The following GALNT13 variants were observed in gnomAD, a reference collection of about 807,000 sequenced individuals.
GALNT13 encodes the protein UDP-GalNAc:polypeptide N-acetylgalactosaminyltransferase 13.
In GALNT13, 28 loss-of-function variants were observed where a neutral mutation model predicts 64.2. The ratio of observed to expected loss-of-function variants is 0.44; its 90% CI spans 0.32 to 0.60. GALNT13 has a LOEUF of 0.60. Among genes scored for constraint, GALNT13 ranks in the 20% least tolerant of loss-of-function variants. The pLI, the probability that GALNT13 is intolerant of heterozygous loss-of-function variation, is 0.05. For missense variants in GALNT13, 577 were observed against 669.8 expected, an observed-to-expected ratio of 0.86 and a Z score of 1.53; for synonymous variants, 214 against 224.6, an observed-to-expected ratio of 0.95 and a Z score of 0.42.
Position 153,971,583 on chromosome 2 carries a change from A to T in GALNT13, c.142+26944A>T, listed in dbSNP as rs188863903. Reference sequence around the variant, plus strand: ...TAGAGAGACTTATTTCAAGAATTTAACTAGAAATCTATATACAACATAAAC... The same window carrying T: ...TAGAGAGACTTATTTCAAGAATTTATCTAGAAATCTATATACAACATAAAC... On this transcript the variant is annotated intron_variant, in intron 3 of 12. Transcript: ENST00000392825. 2.7e-3 allele frequency among the ~76,000 whole-genome samples: 413 copies of T among 152,268 alleles called. 1 individual carries two copies. Among genetic ancestry groups the T allele is most frequent in the Admixed American group, 6.4e-3 (98 of 15,284 alleles).
chr2:153,143,623 C>T, the GALNT13 span, among the ~76,000 whole-genome samples: 3 of 151,960 alleles, frequency 2.0e-5, no homozygotes, highest in Admixed American at 6.6e-5. Flanking sequence ...CAAAGTCTGC[C>T]AGATGGAAAT....
intron 4 of GALNT13, among the ~76,000 whole-genome samples, chr2:154,176,435 G>A (rs927348779): frequency 1.3e-5 from 2 of 151,628 alleles, no homozygotes; most frequent in Non-Finnish European, 2.9e-5. Flanking sequence ...TGTATTTTTA[G>A]TAGAGACGGG....
chr2:153,501,647 C>A, the GALNT13 span, among the ~76,000 whole-genome samples: 1 of 152,198 alleles, frequency 6.6e-6, no homozygotes, highest in African/African-American at 2.4e-5. Flanking sequence ...CTTTGTTTTT[C>A]CCAAGGAGTC....
chr2:153,090,914 G>T, the GALNT13 span, among the ~76,000 whole-genome samples: 6 of 152,092 alleles, frequency 3.9e-5, no homozygotes, highest in African/African-American at 1.4e-4. Context: ...CTGGTAGCAA[G>T]AGGCCTCACC....
chr2:153,629,736 G>A, the GALNT13 span, among the ~76,000 whole-genome samples: 77 of 150,766 alleles, frequency 5.1e-4, no homozygotes, highest in Middle Eastern at 3.4e-3. Flanking sequence ...GAAAATTTTC[G>A]CAACCTACTC....
At chr2:153,210,637 G>A in the GALNT13 span, among the ~76,000 whole-genome samples, 1 of 148,622 alleles carries the variant, frequency 6.7e-6, no homozygotes, top group Non-Finnish European at 1.5e-5. Context: ...GTTCTTGTCT[G>A]GTTTTGGTAT....
the GALNT13 span, among the ~76,000 whole-genome samples, chr2:153,826,435 A>G: frequency 6.6e-6 from 1 of 152,214 alleles, no homozygotes; most frequent in African/African-American, 2.4e-5. Context: ...AAGTTTTAAC[A>G]TGAGTTTTGG....
At chr2:153,949,736 A>G (rs1196191154) in intron 3 of GALNT13, among the ~76,000 whole-genome samples, 1 of 152,142 alleles carries the variant, frequency 6.6e-6, no homozygotes, top group Non-Finnish European at 1.5e-5. Context: ...TAATTGGAAC[A>G]GAGAAGCACA....
intron 3 of GALNT13, among the ~76,000 whole-genome samples, chr2:154,112,887 C>T (rs965774274): frequency 3.9e-5 from 6 of 152,130 alleles, no homozygotes; most frequent in East Asian, 1.9e-4. Flanking sequence ...GCAGGGTGGC[C>T]GGAGTACAGA....
the GALNT13 span, among the ~76,000 whole-genome samples, chr2:153,609,890 A>G: frequency 1.3e-5 from 2 of 152,260 alleles, no homozygotes; most frequent in East Asian, 3.9e-4. Context: ...GGTAGAAACC[A>G]AGTCACGATG....
At chr2:153,332,534 G>GTTTTTTTTTTTTTTTT in the GALNT13 span, among the ~76,000 whole-genome samples, 5 of 136,250 alleles carry the variant, frequency 3.7e-5, no homozygotes, top group East Asian at 8.7e-4. Context: ...TGAGAGTATT[G>GTTTTTTTTTTTTTTTT]TTTTTTTTTT....
At chr2:153,613,467 A>AT in the GALNT13 span, among the ~76,000 whole-genome samples, 1 of 152,140 alleles carries the variant, frequency 6.6e-6, no homozygotes, top group Middle Eastern at 3.2e-3. Flanking sequence ...ATATAACTCA[A>AT]TTGTATTAGG....
At chr2:153,590,952 TA>T in the GALNT13 span, among the ~76,000 whole-genome samples, 1 of 148,270 alleles carries the variant, frequency 6.7e-6, no homozygotes. Flanking sequence ...AACATTGTAC[TA>T]GAAGTCTTAG....
chr2:154,098,621 C>G lies in GALNT13; in HGVS notation c.143-41716C>G, dbSNP rs1206886063. On this transcript the variant is annotated intron_variant, in intron 3 of 12. Coordinates refer to ENST00000392825, the MANE Select transcript of GALNT13 (RefSeq NM_052917.4). ...ACTTTTCAGTACCTATTATTTCTGT[C>G]TTTATGTTTATGTGTACCCATTGTT... 1.3e-5 allele frequency among the ~76,000 whole-genome samples: 2 copies of G among 151,886 alleles called. 1 individual carries two copies. Among genetic ancestry groups the G allele is most frequent in the South Asian group, 4.1e-4 (2 of 4,822 alleles).
chr2:153,090,629 G>A, the GALNT13 span, among the ~76,000 whole-genome samples: 1 of 152,184 alleles, frequency 6.6e-6, no homozygotes, highest in Non-Finnish European at 1.5e-5. Context: ...AGTAGTAGGG[G>A]GCTCTAAGCT....
chr2:153,791,933 G>C, the GALNT13 span, among the ~76,000 whole-genome samples: 1 of 152,138 alleles, frequency 6.6e-6, no homozygotes, highest in South Asian at 2.1e-4. Context: ...GTGGAGGAGG[G>C]GGAGGATTAG....
chr2:154,239,367 T>A (rs1415106962), intron 4 of GALNT13, among the ~76,000 whole-genome samples: 2 of 152,156 alleles, frequency 1.3e-5, no homozygotes, highest in African/African-American at 4.8e-5. Context: ...GTGAAGCCAC[T>A]GGTTGTTGGC....
At chr2:153,463,949 C>T in the GALNT13 span, among the ~76,000 whole-genome samples, 1 of 152,026 alleles carries the variant, frequency 6.6e-6, no homozygotes, top group African/African-American at 2.4e-5. Context: ...AGGAAAGTTT[C>T]AGCAGTATCA....
At chr2:154,122,605 A>G (rs1220314951) in intron 3 of GALNT13, among the ~76,000 whole-genome samples, 1 of 152,024 alleles carries the variant, frequency 6.6e-6, no homozygotes, top group Non-Finnish European at 1.5e-5. Flanking sequence ...TACAACAGGT[A>G]TAGGATTATT....
Sources: allele counts gnomAD v4.1 joint callset (sites outside exome capture counted in the v4.1 genomes callset), GRCh38; gene constraint gnomAD v4.1.1; transcripts MANE v1.5; gene names NCBI Gene and HGNC (gene_info 2026-07-23, HGNC 2026-07-21).